The following SLC14A2 variants were observed in gnomAD, a reference collection of about 807,000 sequenced individuals.
The protein encoded by SLC14A2 is solute carrier family 14 member 2.
SLC14A2 carries 91 observed loss-of-function variants against 104.6 expected under a neutral mutation model. The ratio of observed to expected loss-of-function variants is 0.87; its 90% CI spans 0.73 to 1.04. The LOEUF is 1.04. Among genes scored for constraint, SLC14A2 ranks in the 50% least tolerant of loss-of-function variants. The probability of loss-of-function intolerance (pLI) is 0.00; values close to 1 mark genes in which losing one functional copy is unlikely to be tolerated. For missense variants in SLC14A2, 1,189 were observed against 1,156.0 expected, an observed-to-expected ratio of 1.03 and a Z score of -0.41; for synonymous variants, 476 against 466.4, an observed-to-expected ratio of 1.02 and a Z score of -0.27.
chr18:45,169,195 T>C, the SLC14A2 span: 1 of 152,228 alleles, frequency 6.6e-6, no homozygotes, highest in African/African-American at 2.4e-5. Flanking sequence ...TAAAAAGTCA[T>C]GTTATTTAAA....
intron 1 of SLC14A2, among the ~76,000 whole-genome samples, chr18:45,341,318 T>A (rs1282473809): frequency 1.3e-5 from 2 of 152,222 alleles, no homozygotes; most frequent in Non-Finnish European, 2.9e-5. Flanking sequence ...TATTTGCCAG[T>A]TCCATATTTG....
chr18:45,377,030 T>A (rs1426894371), intron 1 of SLC14A2, among the ~76,000 whole-genome samples: 1 of 152,190 alleles, frequency 6.6e-6, no homozygotes, highest in South Asian at 2.1e-4. Flanking sequence ...TTTACATCAC[T>A]GCCCCCATGC....
chr18:45,512,445 G>A (rs186625990), intron 2 of SLC14A2, among the ~76,000 whole-genome samples: 9 of 152,238 alleles, frequency 5.9e-5, no homozygotes, highest in Admixed American at 3.9e-4. Flanking sequence ...AGAGAAATTC[G>A]TTGGAGTACA....
At chr18:45,455,813 A>G (rs1014092950) in intron 1 of SLC14A2, among the ~76,000 whole-genome samples, 9 of 152,192 alleles carry the variant, frequency 5.9e-5, no homozygotes, top group African/African-American at 1.7e-4. Context: ...ACACAGATAC[A>G]TTTACGTATA....
At chr18:45,580,127 A>G (rs2044468319) in intron 2 of SLC14A2, among the ~76,000 whole-genome samples, 1 of 152,220 alleles carries the variant, frequency 6.6e-6, no homozygotes, top group African/African-American at 2.4e-5. Flanking sequence ...CTTTGTGTTT[A>G]GGAAGAAGTC....
chr18:45,196,248 C>T, the SLC14A2 span, among the ~76,000 whole-genome samples: 1 of 152,304 alleles, frequency 6.6e-6, no homozygotes, highest in Middle Eastern at 3.4e-3. Context: ...CAGTTTTATG[C>T]TAAAGTTGAT....
At chr18:45,532,922 T>C (rs888196575) in intron 2 of SLC14A2, among the ~76,000 whole-genome samples, 1 of 152,224 alleles carries the variant, frequency 6.6e-6, no homozygotes, top group Non-Finnish European at 1.5e-5. Context: ...TGTTGAATTT[T>C]GTCAAAGGCC....
chr18:45,568,626 C>A (rs189599380), intron 2 of SLC14A2, among the ~76,000 whole-genome samples: 98 of 152,306 alleles, frequency 6.4e-4, no homozygotes, highest in East Asian at 2.3e-3. Context: ...CATGAGGTAC[C>A]AGCAACATTC....
At chr18:45,504,403 C>T (rs1346362977) in intron 2 of SLC14A2, among the ~76,000 whole-genome samples, 1 of 152,152 alleles carries the variant, frequency 6.6e-6, no homozygotes, top group African/African-American at 2.4e-5. Flanking sequence ...GCCAGTGAAC[C>T]ATTTGCCAGA....
Position 45,305,611 on chromosome 18 carries a change from A to ACG in SLC14A2, c.-125+92421_-125+92422dup, listed in dbSNP as rs550073310. Among the ~76,000 whole-genome samples the ACG allele has an allele frequency of 2.7e-3, 412 of 152,276 alleles. 2 individuals are homozygous for ACG. The highest frequency in any genetic ancestry group is 8.8e-3 in the African/African-American group (365 of 41,558). On this transcript the variant is annotated intron_variant, in intron 1 of 20. Transcript: ENST00000586448. ...ACCACCCATTCCACTTCCACCCATC[A>ACG]CGTGAACTCTCAATTAGACCTGGCA...
intron 1 of SLC14A2, among the ~76,000 whole-genome samples, chr18:45,287,577 T>A (rs551865092): frequency 4.6e-5 from 7 of 152,280 alleles, no homozygotes; most frequent in African/African-American, 1.7e-4. Flanking sequence ...TCTGACACTA[T>A]GAAAATTCTG....
Position 45,624,771 on chromosome 18 carries a change from A to C in SLC14A2, c.107A>C (p.Asp36Ala). 6.2e-7 allele frequency: 1 copy of C among 1,613,168 alleles called. No homozygotes were observed. Among genetic ancestry groups the C allele is most frequent in the Non-Finnish European group, 8.5e-7 (1 of 1,179,668 alleles). The change falls in exon 2 of 20, where the codon GAT becomes GCT. Residue 36 changes from aspartate (D) to alanine (A), a missense_variant. Transcript: ENST00000255226. ...CCGAGCTGGCCCTCGACATCCCCGGATACTCACCCAGCTCTGCCCCTCCTG... is the reference window on the plus strand; with the variant it reads ...CCGAGCTGGCCCTCGACATCCCCGGCTACTCACCCAGCTCTGCCCCTCCTG... ...TSPSWPSTSP[D>A]THPALPLLEM...
intron 2 of SLC14A2, among the ~76,000 whole-genome samples, chr18:45,562,174 G>A (rs1173926293): frequency 6.6e-6 from 1 of 152,182 alleles, no homozygotes; most frequent in African/African-American, 2.4e-5. Flanking sequence ...CATTCTAAGA[G>A]ATGCATTCAG....
intron 4 of SLC14A2, among the ~76,000 whole-genome samples, chr18:45,629,583 C>T (rs1378247131): frequency 1.3e-5 from 2 of 152,166 alleles, no homozygotes; most frequent in African/African-American, 4.8e-5. Context: ...CCCCCTCCAG[C>T]CCCATTATCC....
intron 1 of SLC14A2, among the ~76,000 whole-genome samples, chr18:45,322,906 T>C (rs553086882): frequency 6.6e-6 from 1 of 152,310 alleles, no homozygotes; most frequent in African/African-American, 2.4e-5. Context: ...AATGCTTGAA[T>C]TGATAAACTG....
intron 2 of SLC14A2, among the ~76,000 whole-genome samples, chr18:45,525,652 A>G (rs974179537): frequency 1.3e-5 from 2 of 152,234 alleles, no homozygotes; most frequent in African/African-American, 4.8e-5. Context: ...TTTTCAATGC[A>G]TTCCAATTAG....
At chr18:45,380,281 T>C (rs1052937241) in intron 1 of SLC14A2, among the ~76,000 whole-genome samples, 1 of 152,196 alleles carries the variant, frequency 6.6e-6, no homozygotes, top group Admixed American at 6.5e-5. Context: ...CAATGCCCAC[T>C]AGCCAAAGAC....
chr18:45,551,343 GCT>G (rs1383079729), intron 2 of SLC14A2, among the ~76,000 whole-genome samples: 1 of 152,210 alleles, frequency 6.6e-6, no homozygotes, highest in African/African-American at 2.4e-5. Context: ...ACCCAGGACT[GCT>G]CTGAACTTGT....
intron 10 of SLC14A2, among the ~76,000 whole-genome samples, chr18:45,658,996 C>T (rs1462071083): frequency 6.6e-6 from 1 of 152,144 alleles, no homozygotes; most frequent in Non-Finnish European, 1.5e-5. Context: ...AGGGACCGTG[C>T]CCCTGAAATG....
Sources: gnomAD v4.1 joint callset for allele counts (sites outside exome capture counted in the v4.1 genomes callset) on GRCh38, gnomAD v4.1.1 for gene constraint, MANE v1.5 for transcripts, NCBI Gene and HGNC (gene_info 2026-07-23, HGNC 2026-07-21) for gene names.